The following KIAA1210 variants were observed in gnomAD, a reference collection of about 807,000 sequenced individuals.
The protein encoded by KIAA1210 is KIAA1210.
In KIAA1210, 48 loss-of-function variants were observed where a neutral mutation model predicts 78.9. The observed-to-expected ratio is 0.61, with a 90% CI of 0.48 to 0.77. The LOEUF is 0.77. Among genes scored for constraint, KIAA1210 ranks in the 30% least tolerant of loss-of-function variants. KIAA1210 has a pLI of 0.00. For synonymous variants in KIAA1210, 406 were observed against 404.5 expected (o/e 1.00, Z -0.04); for missense variants, 1,108 against 1,100.0 (o/e 1.01, Z -0.10).
intron 8 of KIAA1210, among the ~76,000 whole-genome samples, chrX:119,091,963 G>A (rs1927381106): frequency 9.0e-6 from 1 of 111,070 alleles, no homozygotes; most frequent in Middle Eastern, 4.6e-3. Flanking sequence ...GAGGGGGTGA[G>A]GAATGAAAAA....
At chrX:119,118,630 C>T (rs1928351495) in intron 2 of KIAA1210, among the ~76,000 whole-genome samples, 1 of 112,035 alleles carries the variant, frequency 8.9e-6, no homozygotes, top group Non-Finnish European at 1.9e-5. Context: ...TACTCCTGAG[C>T]CTGCCAGGGT....
chrX:119,082,344 G>A (rs2147167385), intron 11 of KIAA1210, among the ~76,000 whole-genome samples: 1 of 112,136 alleles, frequency 8.9e-6, no homozygotes, highest in Non-Finnish European at 1.9e-5. Context: ...GCCAGAAAAT[G>A]GGTTCCTGAA....
chrX:119,088,910 G>T lies in KIAA1210; in HGVS notation c.1792C>A (p.Pro598Thr), dbSNP rs1286191376. The T allele has an allele frequency of 3.8e-5, 46 of 1,209,213 alleles. No individual in the cohort carries two copies. The highest frequency in any genetic ancestry group is 5.1e-5 in the Non-Finnish European group (46 of 894,606). The change falls in exon 9 of 12, where the codon CCT becomes ACT. Residue 598 changes from proline to threonine, a missense_variant. Physicochemically the swap from Pro to Thr is conservative, Grantham distance 38 (BLOSUM62 -1). Coordinates refer to ENST00000691062, the MANE Select transcript of KIAA1210 (RefSeq NM_001394962.1). ...TCTGAGGAGACTTCTTCAGCATCAG[G>T]CTTCCTTGAGGACTGAAAAAGGCTT... is the stretch of plus-strand genomic sequence containing the variant. ...PRSLFQSSRK[P>T]DAEEVSSDSE...
chrX:119,138,471 G>A (rs977430855), intron 2 of KIAA1210, among the ~76,000 whole-genome samples: 4 of 111,009 alleles, frequency 3.6e-5, no homozygotes, highest in Admixed American at 1.9e-4. Flanking sequence ...TGTCCGCCTT[G>A]GCCTCCAAAA....
At chrX:119,137,862 T>A (rs1237585710) in intron 2 of KIAA1210, among the ~76,000 whole-genome samples, 1 of 111,770 alleles carries the variant, frequency 8.9e-6, no homozygotes. Context: ...AGCTGGAGTG[T>A]ACTTTGCTTA....
intron 5 of KIAA1210, 40 bp from the exon 6 acceptor site, chrX:119,105,187 T>A (rs1278602404): frequency 8.9e-7 from 1 of 1,126,315 alleles, no homozygotes; most frequent in Non-Finnish European, 1.2e-6. Context: ...TTAAAACCTG[T>A]GCTCTCTTCC....
intron 6 of KIAA1210, among the ~76,000 whole-genome samples, chrX:119,097,279 A>G (rs973848769): frequency 1.8e-5 from 2 of 111,540 alleles, no homozygotes; most frequent in African/African-American, 6.5e-5. Flanking sequence ...TGGGATAGTG[A>G]TGGAGCCTGT....
chrX:119,083,891 G>A (rs1158901356), intron 10 of KIAA1210, among the ~76,000 whole-genome samples: 1 of 105,598 alleles, frequency 9.5e-6, no homozygotes, highest in Non-Finnish European at 1.9e-5. Context: ...CAGCTACTAT[G>A]GCGGGGATGA....
Position 119,080,324 on chromosome X carries a change from T to C in KIAA1210, c.*1005A>G, listed in dbSNP as rs1478927154. 9.0e-6 allele frequency: 1 copy of C among 111,471 alleles called. No homozygotes were observed. Among genetic ancestry groups the C allele is most frequent in the Non-Finnish European group, 1.9e-5 (1 of 53,087 alleles). The allele number at this position is 111,471 out of a possible 1,213,427, so 9.2% of individuals were successfully genotyped here. A position where few individuals can be genotyped will look rare whatever the true frequency, so the allele number is the denominator to read the frequency against. On this transcript the variant is annotated 3_prime_UTR_variant, in exon 12 of 12. Coordinates refer to ENST00000691062, the MANE Select transcript of KIAA1210 (RefSeq NM_001394962.1). The stretch of plus-strand genomic sequence containing the variant: ...GTCCAAAGAGGGAGCTTTGTGTAAG[T>C]GCTCTGCATGTTACTATCACCCAAG...
chrX:119,129,327 A>C (rs1002037024), upstream of KIAA1210, among the ~76,000 whole-genome samples: 12 of 111,005 alleles, frequency 1.1e-4, no homozygotes, highest in African/African-American at 3.6e-4. Flanking sequence ...GCTTGATGGC[A>C]AGTCACTGGG....
chrX:119,114,949 G>T (rs958151577), intron 3 of KIAA1210, among the ~76,000 whole-genome samples: 2 of 112,382 alleles, frequency 1.8e-5, no homozygotes, highest in African/African-American at 6.5e-5. Flanking sequence ...CACTCATTAA[G>T]AAATCAAATG....
intron 2 of KIAA1210, among the ~76,000 whole-genome samples, chrX:119,119,199 T>C (rs1928367671): frequency 8.9e-6 from 1 of 112,802 alleles, no homozygotes; most frequent in Non-Finnish European, 1.9e-5. Flanking sequence ...CAGTAATTAC[T>C]TGTTTATCAG....
At position 119,085,422 on chromosome X, in the gene KIAA1210, A is replaced by G. The variant is rs191789132; in HGVS notation, c.4281T>C (p.Asn1427=). ...CCTTAGTCTCAGCATCGGCTCCAGC[A>G]TTGCTCTTAGTTTTCAGCTCTTTCA... ...ISVKELKTKS[N]AGADAETKEP... Residue 1427 remains asparagine (N), a synonymous_variant, in exon 10 of 12, where the codon AAT becomes AAC. Coordinates refer to ENST00000691062, the MANE Select transcript of KIAA1210 (RefSeq NM_001394962.1). 1.2e-4 allele frequency: 146 copies of G among 1,209,973 alleles called. 1 individual carries two copies. The Admixed American group carries it at 3.2e-3, about 26-fold the overall frequency.
At position 119,087,765 on chromosome X, in the gene KIAA1210, G is replaced by A; in HGVS notation, c.2937C>T (p.Pro979=). Residue 979 remains proline, a synonymous_variant, in exon 9 of 12, where the codon CCC becomes CCT. Coordinates refer to ENST00000691062, the MANE Select transcript of KIAA1210 (RefSeq NM_001394962.1). ...EADISGSPLP[P]QYATQFLKRS... ...TCTTTAAGAACTGGGTAGCATATTGGGGAGGCAATGGACTCCCAGAAATGT... is the reference window on the plus strand; with the variant it reads ...TCTTTAAGAACTGGGTAGCATATTGAGGAGGCAATGGACTCCCAGAAATGT... 1 of 1,211,559 alleles carries A rather than the reference G, an allele frequency of 8.3e-7. No individual in the cohort carries two copies. Among genetic ancestry groups the A allele is most frequent in the Non-Finnish European group, 1.1e-6 (1 of 895,352 alleles).
At chrX:119,105,289 C>T in intron 5 of KIAA1210, 142 bp from the exon 6 acceptor site, 1 of 596,526 alleles carries the variant, frequency 1.7e-6, no homozygotes, top group Non-Finnish European at 2.4e-6. Flanking sequence ...AAAATAAGCC[C>T]AGGGAAGAAT....
rs762401574 is a variant in KIAA1210 at position 119,089,597 on chromosome X, A to G, written c.1105T>C (p.Ser369Pro). ...TTGAATTCACACCCACTCAATCCTGAAACACTTGCTCCTTTTCTTCTCCAT... is the reference window on the plus strand; with the variant it reads ...TTGAATTCACACCCACTCAATCCTGGAACACTTGCTCCTTTTCTTCTCCAT... The part of the protein sequence containing the change: ...RRWRRKGASV[S>P]GLSGCEFKGR... The change falls in exon 9 of 12, where the codon TCA becomes CCA. Residue 369 changes from serine (S) to proline (P), a missense_variant. Physicochemically the swap from Ser to Pro is moderately conservative, Grantham distance 74. Transcript: ENST00000691062. 2 of 1,210,032 alleles carry G rather than the reference A, an allele frequency of 1.7e-6. No individual in the cohort carries two copies. The highest frequency in any genetic ancestry group is 4.4e-5 in the Admixed American group (2 of 45,804).
At chrX:119,120,338 TG>T (rs1467034948) in intron 2 of KIAA1210, among the ~76,000 whole-genome samples, 3 of 112,309 alleles carry the variant, frequency 2.7e-5, no homozygotes, top group Non-Finnish European at 5.6e-5. Flanking sequence ...AATCCCATAG[TG>T]GAAGAGAGGA....
At position 119,091,173 on chromosome X, in the gene KIAA1210, G is replaced by A. The variant is rs188681869; in HGVS notation, c.956-1427C>T. On this transcript the variant is annotated intron_variant, in intron 8 of 11. Transcript: ENST00000691062. ...AGGGAAATGCAAATTGAAACACAAC[G>A]CGATATCATCTTACCTCAGCCAGAA... Among the ~76,000 whole-genome samples the A allele has an allele frequency of 1.3e-3, 141 of 112,234 alleles. 1 individual carries two copies. The highest frequency in any genetic ancestry group is 4.3e-3 in the African/African-American group (133 of 30,952).
chrX:119,104,782 C>G (rs1927836833), intron 6 of KIAA1210, among the ~76,000 whole-genome samples: 1 of 111,814 alleles, frequency 8.9e-6, no homozygotes, highest in Non-Finnish European at 1.9e-5. Context: ...TTCGAAAATA[C>G]TATCTTCCCT....
Sources: gnomAD v4.1 joint callset for allele counts (sites outside exome capture counted in the v4.1 genomes callset) on GRCh38, gnomAD v4.1.1 for gene constraint, MANE v1.5 for transcripts, NCBI Gene and HGNC (gene_info 2026-07-23, HGNC 2026-07-21) for gene names.